PNLIPRP3: variants seen among roughly 807,000 people sequenced by gnomAD.
The protein encoded by PNLIPRP3 is pancreatic lipase related protein 3.
A neutral mutation model predicts 52.8 loss-of-function variants in PNLIPRP3; 58 were observed. The observed-to-expected ratio is 1.10, with a 90% CI of 0.89 to 1.37. PNLIPRP3 has a LOEUF of 1.37. Among genes scored for constraint, PNLIPRP3 ranks in the 40% most tolerant of loss-of-function variants. The pLI is 0.00. For missense variants in PNLIPRP3, 593 were observed against 561.6 expected (o/e 1.06, Z -0.57); for synonymous variants, 192 against 185.0 (o/e 1.04, Z -0.31).
Position 116,477,070 on chromosome 10 carries a change from T to C in PNLIPRP3, c.1341-20T>C. 6.4e-7 allele frequency: 1 copy of C among 1,557,734 alleles called. No homozygotes were observed. The highest frequency in any genetic ancestry group is 8.7e-7 in the Non-Finnish European group (1 of 1,143,772). Reference sequence around the variant, plus strand: ...GGCATCAGGTTAAAATTCCTTTTTTTTTTCCTTAAAAACTTTCAGATCTAC... The same window carrying C: ...GGCATCAGGTTAAAATTCCTTTTTTCTTTCCTTAAAAACTTTCAGATCTAC... On this transcript the variant is annotated intron_variant, in intron 11 of 11. Coordinates refer to ENST00000369230, the MANE Select transcript of PNLIPRP3 (RefSeq NM_001011709.3).
At chr10:116,442,312 G>A (rs1845870564) in intron 2 of PNLIPRP3, among the ~76,000 whole-genome samples, 1 of 152,266 alleles carries the variant, frequency 6.6e-6, no homozygotes, top group Middle Eastern at 3.4e-3. Flanking sequence ...ATATGCTGGT[G>A]TATTTCATGT....
chr10:116,427,938 G>C lies in PNLIPRP3; in HGVS notation c.-75G>C, dbSNP rs1845660046. The C allele has an allele frequency of 1.8e-6, 2 of 1,123,658 alleles. No individual in the cohort carries two copies. The highest frequency in any genetic ancestry group is 4.7e-5 in the East Asian group (2 of 42,158). 69.6% of individuals were successfully genotyped at this position (1,123,658 alleles called of 1,614,324 possible). Reference sequence around the variant, plus strand: ...GCATCATTGTGAGGAAAACCACTTAGTATTTTATAGTGAGGTGACTTTACA... The same window carrying C: ...GCATCATTGTGAGGAAAACCACTTACTATTTTATAGTGAGGTGACTTTACA... On this transcript the variant is annotated 5_prime_UTR_variant, in exon 1 of 12. Transcript: ENST00000369230.
chr10:116,470,654 C>T (rs1227676997), intron 9 of PNLIPRP3, among the ~76,000 whole-genome samples: 2 of 151,716 alleles, frequency 1.3e-5, no homozygotes, highest in Non-Finnish European at 2.9e-5. Context: ...GGATTACAGG[C>T]GCCGCCACCA....
At chr10:116,475,154 G>A (rs899249393) in intron 10 of PNLIPRP3, among the ~76,000 whole-genome samples, 2 of 152,162 alleles carry the variant, frequency 1.3e-5, no homozygotes, top group African/African-American at 4.8e-5. Flanking sequence ...GGAGCTGGAG[G>A]CCATTATCCT....
chr10:116,470,569 G>C (rs1846353232), intron 9 of PNLIPRP3, among the ~76,000 whole-genome samples: 1 of 151,214 alleles, frequency 6.6e-6, no homozygotes, highest in African/African-American at 2.4e-5. Context: ...GAGTGCAGTG[G>C]TGCGATCTCG....
intron 9 of PNLIPRP3, among the ~76,000 whole-genome samples, chr10:116,469,964 T>C (rs1846340385): frequency 1.5e-5 from 1 of 66,316 alleles, no homozygotes; most frequent in Non-Finnish European, 3.3e-5. Context: ...ATTGCCACAA[T>C]TCAGGCAAAA....
chr10:116,435,850 G>A (rs573966360), intron 1 of PNLIPRP3, among the ~76,000 whole-genome samples: 3 of 152,282 alleles, frequency 2.0e-5, no homozygotes, highest in South Asian at 4.1e-4. Context: ...TCCTAAAGTT[G>A]TTGTGGAACC....
In PNLIPRP3 at chr10:116,476,801, C is replaced by T; in HGVS notation, c.1322C>T (p.Ser441Phe). 6.3e-7 allele frequency: 1 copy of T among 1,599,906 alleles called. No individual in the cohort carries two copies. Among genetic ancestry groups the T allele is most frequent in the Non-Finnish European group, 8.5e-7 (1 of 1,175,270 alleles). Residue 441 changes from serine (S) to phenylalanine (F), a missense_variant, in exon 11 of 12, where the codon TCT becomes TTT. Transcript: ENST00000369230. ...KLGAEMVINTSGKYGYKSTFC... is the reference protein window; with the variant it reads ...KLGAEMVINTFGKYGYKSTFC... Reference sequence around the variant, plus strand: ...GGAGCAGAAATGGTGATAAATACATCTGGGAAATATGGATATAAGTAAGTA... The same window carrying T: ...GGAGCAGAAATGGTGATAAATACATTTGGGAAATATGGATATAAGTAAGTA...
intron 1 of PNLIPRP3, among the ~76,000 whole-genome samples, chr10:116,435,382 G>A (rs1467831759): frequency 6.6e-6 from 1 of 150,498 alleles, no homozygotes; most frequent in African/African-American, 2.5e-5. Flanking sequence ...TAATGAATAT[G>A]TTGTATGGAT....
In PNLIPRP3 at chr10:116,436,851, C is replaced by A; in HGVS notation, c.190C>A (p.Pro64Thr). 1 of 1,593,736 alleles carries A rather than the reference C, an allele frequency of 6.3e-7. No individual in the cohort carries two copies. The highest frequency in any genetic ancestry group is 8.6e-7 in the Non-Finnish European group (1 of 1,168,500). Residue 64 changes from proline to threonine, a missense_variant, in exon 2 of 12, where the codon CCC (proline) becomes ACC (threonine). Transcript: ENST00000369230. Reference sequence around the variant, plus strand: ...TTTCCTGCTCTACACTATACACAATCCCAATGCCTATCAGGTAAGCTAACT... The same window carrying A: ...TTTCCTGCTCTACACTATACACAATACCAATGCCTATCAGGTAAGCTAACT... ...TRFLLYTIHN[P>T]NAYQEISAVN... is the part of the protein sequence containing the mutation.
chr10:116,431,366 T>A (rs947175963), intron 1 of PNLIPRP3, among the ~76,000 whole-genome samples: 4 of 152,136 alleles, frequency 2.6e-5, no homozygotes, highest in African/African-American at 9.7e-5. Flanking sequence ...GCTTTAGCCC[T>A]CTGTTACCTC....
chr10:116,476,951 G>C, intron 11 of PNLIPRP3, 132 bp downstream of exon 11: 1 of 1,193,278 alleles, frequency 8.4e-7, no homozygotes, highest in Non-Finnish European at 1.1e-6. Flanking sequence ...TAAAGAAAGG[G>C]AAAAGTTAAG....
At chr10:116,459,916 C>T (rs868332456) in intron 5 of PNLIPRP3, among the ~76,000 whole-genome samples, 3 of 152,140 alleles carry the variant, frequency 2.0e-5, no homozygotes, top group African/African-American at 4.8e-5. Flanking sequence ...TACACGTGCC[C>T]ACTACCATGC....
rs563436651 is a variant in PNLIPRP3, at chr10:116,449,130, G to A, written c.456+4617G>A. Among the ~76,000 whole-genome samples the A allele has an allele frequency of 7.9e-5, 12 of 152,144 alleles. No individual in the cohort carries two copies. In the South Asian group the frequency reaches 2.1e-3, roughly 26 times the overall value. On this transcript the variant is annotated intron_variant, in intron 4 of 11. Coordinates refer to ENST00000369230, the MANE Select transcript of PNLIPRP3 (RefSeq NM_001011709.3). Reference sequence around the variant, plus strand: ...ATTCTTTGAGTCCAAAGGTTTGAAGGTACACTGAGCTGTGATAATGATCTT... The same window carrying A: ...ATTCTTTGAGTCCAAAGGTTTGAAGATACACTGAGCTGTGATAATGATCTT...
intron 7 of PNLIPRP3, among the ~76,000 whole-genome samples, chr10:116,462,335 A>ATG (rs989959080): frequency 2.0e-5 from 3 of 149,836 alleles, no homozygotes; most frequent in African/African-American, 7.3e-5. Context: ...ATATATATAT[A>ATG]TGATGATATG....
chr10:116,471,589 T>G (rs7087485), intron 9 of PNLIPRP3, among the ~76,000 whole-genome samples, 179 bp from the exon 10 acceptor site: 14,357 of 152,278 alleles, frequency 0.094, 869 homozygotes, highest in East Asian at 0.25. Flanking sequence ...ATGTGTATTT[T>G]TAAACGTAGT....
At chr10:116,440,466 T>C (rs1380065550) in intron 2 of PNLIPRP3, among the ~76,000 whole-genome samples, 2 of 152,312 alleles carry the variant, frequency 1.3e-5, no homozygotes, top group East Asian at 3.9e-4. Flanking sequence ...TGGAAGCCTA[T>C]TGTTTGCTGT....
chr10:116,460,083 C>A (rs1846170338), intron 5 of PNLIPRP3, among the ~76,000 whole-genome samples: 1 of 152,168 alleles, frequency 6.6e-6, no homozygotes, highest in Non-Finnish European at 1.5e-5. Flanking sequence ...TTATCTCTTG[C>A]AGAAGCATGT....
intron 2 of PNLIPRP3, among the ~76,000 whole-genome samples, chr10:116,437,405 G>A: frequency 6.6e-6 from 1 of 152,148 alleles, no homozygotes; most frequent in East Asian, 1.9e-4. Context: ...GATGGGCAAA[G>A]TGCTCACAAG....
Sources: allele counts gnomAD v4.1 joint callset (sites outside exome capture counted in the v4.1 genomes callset), GRCh38; gene constraint gnomAD v4.1.1; transcripts MANE v1.5; gene names NCBI Gene and HGNC (gene_info 2026-07-23, HGNC 2026-07-21).